Variants in DLC1 observed in about 807,000 individuals in gnomAD.
DLC1 encodes the protein rho GTPase-activating protein 7.
In DLC1, 54 loss-of-function variants were observed where a neutral mutation model predicts 140.3. That is an observed-to-expected ratio of 0.38 (90% CI 0.31 to 0.48). The LOEUF (loss-of-function observed/expected upper bound fraction) is 0.48. DLC1 is among the 20% of genes least tolerant of loss of function. The pLI is 0.96. For synonymous variants in DLC1, 986 were observed against 728.1 expected (o/e 1.35, Z -5.70); for missense variants, 2,536 against 1,907.0 (o/e 1.33, Z -6.14).
chr8:13,210,443 G>T (rs770199392), intron 5 of DLC1, among the ~76,000 whole-genome samples: 1 of 152,092 alleles, frequency 6.6e-6, no homozygotes, highest in South Asian at 2.1e-4. Flanking sequence ...ACTTTTATTG[G>T]AGATGAAAGT....
At chr8:13,151,948 A>G (rs187140781) in intron 5 of DLC1, among the ~76,000 whole-genome samples, 3 of 152,340 alleles carry the variant, frequency 2.0e-5, no homozygotes, top group Admixed American at 1.3e-4. Context: ...CTGTTCCTGC[A>G]GGAACAGATC....
At chr8:13,485,244 A>G (rs1005503076) in intron 2 of DLC1, among the ~76,000 whole-genome samples, 1 of 152,176 alleles carries the variant, frequency 6.6e-6, no homozygotes, top group Admixed American at 6.5e-5. Flanking sequence ...GTCCTGATGC[A>G]GTATAGAAAA....
At chr8:13,580,089 C>T (rs932361940) in intron 1 of DLC1, among the ~76,000 whole-genome samples, 2 of 151,418 alleles carry the variant, frequency 1.3e-5, no homozygotes, top group African/African-American at 2.4e-5. Flanking sequence ...TTCTCATATG[C>T]CAATTATCAG....
chr8:13,115,562 T>C, intron 6 of DLC1, 24 bp downstream of exon 6: 1 of 1,607,792 alleles, frequency 6.2e-7, no homozygotes, highest in African/African-American at 1.3e-5. Flanking sequence ...TGCCAACTTT[T>C]AAAAAGTGGC....
At chr8:13,115,345 T>C (rs1473340657) in intron 6 of DLC1, among the ~76,000 whole-genome samples, 1 of 152,172 alleles carries the variant, frequency 6.6e-6, no homozygotes, top group Admixed American at 6.5e-5. Flanking sequence ...ATGATAGTCT[T>C]CAGCATGCTG....
Position 13,362,423 on chromosome 8 carries a change from A to G in DLC1, c.1314+31130T>C, listed in dbSNP as rs565430008. On this transcript the variant is annotated intron_variant, in intron 4 of 17. Coordinates refer to ENST00000276297, the MANE Select transcript of DLC1 (RefSeq NM_182643.3). ...GCAGTTAGATTCCCGGGCACTCTGT[A>G]TGGTGGGGATCCAAGTGCCCAATAG... 1.3e-4 allele frequency among the ~76,000 whole-genome samples: 20 copies of G among 152,254 alleles called. No individual in the cohort carries two copies. The South Asian group carries it at 1.7e-3, about 13-fold the overall frequency.
At chr8:13,380,530 G>A (rs896427991) in intron 4 of DLC1, among the ~76,000 whole-genome samples, 2 of 152,048 alleles carry the variant, frequency 1.3e-5, no homozygotes, top group African/African-American at 2.4e-5. Flanking sequence ...CCCCACTTTG[G>A]GTTGTATGTA....
chr8:13,319,482 G>GA (rs1563250271), intron 4 of DLC1, among the ~76,000 whole-genome samples: 2 of 114,728 alleles, frequency 1.7e-5, no homozygotes, highest in South Asian at 3.4e-4. Context: ...GGCGGGGGGG[G>GA]GGGGTGGATT....
At chr8:13,171,320 A>G (rs1318435095) in intron 5 of DLC1, among the ~76,000 whole-genome samples, 6 of 152,228 alleles carry the variant, frequency 3.9e-5, no homozygotes, top group African/African-American at 1.4e-4. Flanking sequence ...ATTAAAAAAA[A>G]TTCTAATAGA....
At chr8:13,195,567 T>C (rs1274391281) in intron 5 of DLC1, among the ~76,000 whole-genome samples, 2 of 152,202 alleles carry the variant, frequency 1.3e-5, no homozygotes, top group Admixed American at 1.3e-4. Flanking sequence ...GTAGGTTCTT[T>C]GTGTGATTGA....
At chr8:13,291,162 G>C (rs978214395) in intron 5 of DLC1, among the ~76,000 whole-genome samples, 1 of 152,188 alleles carries the variant, frequency 6.6e-6, no homozygotes, top group African/African-American at 2.4e-5. Context: ...GCCCGCCTCA[G>C]CCTCCCAAAG....
At chr8:13,120,997 C>G (rs986307789) in intron 5 of DLC1, among the ~76,000 whole-genome samples, 8 of 152,218 alleles carry the variant, frequency 5.3e-5, no homozygotes, top group African/African-American at 1.7e-4. Context: ...CTACCATTCG[C>G]TCTAGCTTCA....
intron 2 of DLC1, among the ~76,000 whole-genome samples, chr8:13,403,229 T>G (rs958247870): frequency 1.3e-5 from 2 of 152,232 alleles, no homozygotes; most frequent in African/African-American, 4.8e-5. Context: ...ACTACATTTT[T>G]TTGTCATCAT....
At chr8:13,527,829 A>G (rs1289033837) in intron 1 of DLC1, among the ~76,000 whole-genome samples, 1 of 152,164 alleles carries the variant, frequency 6.6e-6, no homozygotes, top group African/African-American at 2.4e-5. Context: ...TCTTTAGAGA[A>G]TCCTTAGCTT....
chr8:13,115,085 C>G (rs1763053924), intron 6 of DLC1, among the ~76,000 whole-genome samples: 2 of 152,088 alleles, frequency 1.3e-5, no homozygotes, highest in African/African-American at 4.8e-5. Context: ...TACCCACCAA[C>G]CAGAGTGTGG....
chr8:13,380,899 T>C (rs1197699969), intron 4 of DLC1, among the ~76,000 whole-genome samples: 1 of 152,192 alleles, frequency 6.6e-6, no homozygotes, highest in Non-Finnish European at 1.5e-5. Flanking sequence ...TTGCACGATT[T>C]GGGAAAAAGT....
intron 1 of DLC1, among the ~76,000 whole-genome samples, chr8:13,555,121 C>T: frequency 6.6e-6 from 1 of 152,216 alleles, no homozygotes; most frequent in East Asian, 1.9e-4. Flanking sequence ...TTCCTTCACT[C>T]CTTTGTTTAA....
rs142803181 is a variant in DLC1 at position 13,399,737 on chromosome 8, C to T, written c.1173+1733G>A. Reference sequence around the variant, plus strand: ...CCTTAAACCTTTATCTCTACCTGTGCTTTAATTTATTTTTATGTTAAAGAC... The same window carrying T: ...CCTTAAACCTTTATCTCTACCTGTGTTTTAATTTATTTTTATGTTAAAGAC... On this transcript the variant is annotated intron_variant, in intron 3 of 17. Transcript: ENST00000276297. Among the ~76,000 whole-genome samples the T allele has an allele frequency of 5.7e-3, 870 of 152,228 alleles. 5 individuals carry two copies. Among genetic ancestry groups the T allele is most frequent in the South Asian group, 0.012 (56 of 4,812 alleles).
intron 2 of DLC1, among the ~76,000 whole-genome samples, chr8:13,451,378 A>G (rs1429908706): frequency 6.6e-6 from 1 of 152,014 alleles, no homozygotes; most frequent in African/African-American, 2.4e-5. Flanking sequence ...AGACAATCCA[A>G]TTACACTCTT....
Sources: gnomAD v4.1 joint callset for allele counts (sites outside exome capture counted in the v4.1 genomes callset) on GRCh38, gnomAD v4.1.1 for gene constraint, MANE v1.5 for transcripts, NCBI Gene and HGNC (gene_info 2026-07-23, HGNC 2026-07-21) for gene names.